MCC: variants seen among roughly 807,000 people sequenced by gnomAD.
MCC encodes MCC regulator of Wnt signaling pathway, also known as colorectal mutant cancer protein.
A neutral mutation model predicts 116.2 loss-of-function variants in MCC; 90 were observed. The observed-to-expected ratio is 0.77, with a 90% CI of 0.65 to 0.92. MCC has a LOEUF of 0.92. Ranked by LOEUF, MCC falls within the 40% of genes least tolerant of loss-of-function variation. The pLI is 0.00. For missense variants in MCC, 1,516 were observed against 1,312.2 expected, an observed-to-expected ratio of 1.16 and a Z score of -2.40; for synonymous variants, 578 against 510.5, an observed-to-expected ratio of 1.13 and a Z score of -1.78.
At chr5:113,127,222 G>A (rs1324874691) in intron 5 of MCC, among the ~76,000 whole-genome samples, 24 of 152,150 alleles carry the variant, frequency 1.6e-4, no homozygotes, top group Admixed American at 1.6e-3. Flanking sequence ...TGGTATATAC[G>A]TACCACATTT....
intron 3 of MCC, among the ~76,000 whole-genome samples, chr5:113,159,873 A>G (rs1198083222): frequency 3.3e-5 from 5 of 152,232 alleles, no homozygotes; most frequent in Admixed American, 6.5e-5. Context: ...AAACTCATTA[A>G]ATATAATCTA....
At chr5:113,038,705 C>G (rs1751483998) in intron 17 of MCC, among the ~76,000 whole-genome samples, 1 of 151,922 alleles carries the variant, frequency 6.6e-6, no homozygotes, top group African/African-American at 2.4e-5. Flanking sequence ...ATCACACTGA[C>G]CAGACAAGGC....
At chr5:113,316,734 C>T (rs1345941241) in intron 3 of MCC, among the ~76,000 whole-genome samples, 1 of 152,136 alleles carries the variant, frequency 6.6e-6, no homozygotes, top group Non-Finnish European at 1.5e-5. Flanking sequence ...AGCTTTGTAT[C>T]AAAGAGGGTA....
At chr5:113,049,357 C>T in intron 15 of MCC, 58 bp from the exon 16 acceptor site, 5 of 1,438,414 alleles carry the variant, frequency 3.5e-6, no homozygotes, top group Non-Finnish European at 3.7e-6. Context: ...GCAGGCCTGG[C>T]TGCTGCCAAG....
intron 2 of MCC, among the ~76,000 whole-genome samples, chr5:113,342,308 C>A (rs6898400): frequency 0.3 from 45,764 of 152,080 alleles, 7,514 homozygotes; most frequent in Admixed American, 0.41. Flanking sequence ...CATGTATGTG[C>A]AAGTATCTTT....
intron 17 of MCC, among the ~76,000 whole-genome samples, chr5:113,034,714 G>T (rs994392607): frequency 6.6e-6 from 1 of 152,162 alleles, no homozygotes; most frequent in Non-Finnish European, 1.5e-5. Context: ...CTTTTAACCC[G>T]TCAGGCTCTG....
intron 1 of MCC, among the ~76,000 whole-genome samples, chr5:113,424,392 AT>A (rs1335249322): frequency 6.6e-6 from 1 of 152,162 alleles, no homozygotes; most frequent in African/African-American, 2.4e-5. Flanking sequence ...CAATGACATA[AT>A]TTTCACAGAA....
At position 113,488,447 on chromosome 5, in the gene MCC, C is replaced by G; in HGVS notation, c.-33G>C. Reference sequence around the variant, plus strand: ...CTCCCTACTTGGGAGGAGGAGTACGCGCGACCGCAGCTGGAATCCGCGCGG... The same window carrying G: ...CTCCCTACTTGGGAGGAGGAGTACGGGCGACCGCAGCTGGAATCCGCGCGG... On this transcript the variant is annotated 5_prime_UTR_variant, in exon 1 of 19. Coordinates refer to ENST00000408903, the MANE Select transcript of MCC (RefSeq NM_001085377.2). 1.4e-6 allele frequency: 2 copies of G among 1,390,536 alleles called. No individual in the cohort carries two copies. Among genetic ancestry groups the G allele is most frequent in the South Asian group, 1.9e-5 (1 of 52,050 alleles). The allele number at this position is 1,390,536 out of a possible 1,614,324, so 86.1% of individuals were successfully genotyped here.
At chr5:113,215,291 G>A (rs1763271383) in intron 3 of MCC, among the ~76,000 whole-genome samples, 2 of 152,174 alleles carry the variant, frequency 1.3e-5, no homozygotes, top group Admixed American at 1.3e-4. Flanking sequence ...GGTGGGGGGA[G>A]GAAAGGGAGA....
At chr5:113,087,123 C>A (rs112685257) in intron 8 of MCC, among the ~76,000 whole-genome samples, 2 of 152,186 alleles carry the variant, frequency 1.3e-5, no homozygotes, top group Non-Finnish European at 2.9e-5. Flanking sequence ...AGGCACATGG[C>A]CCCTTCTCTA....
chr5:113,446,677 C>T (rs1771227908), intron 1 of MCC, among the ~76,000 whole-genome samples: 1 of 152,062 alleles, frequency 6.6e-6, no homozygotes. Flanking sequence ...TTGGAGACTT[C>T]CCAAAGAACT....
chr5:113,353,146 C>T (rs998588952), intron 2 of MCC, among the ~76,000 whole-genome samples: 1 of 152,162 alleles, frequency 6.6e-6, no homozygotes, highest in Non-Finnish European at 1.5e-5. Flanking sequence ...AGGCAGAGGC[C>T]TTTCACGTGC....
intron 3 of MCC, chr5:113,204,625 A>C (rs1182131102): frequency 6.6e-6 from 1 of 152,230 alleles, no homozygotes; most frequent in African/African-American, 2.4e-5. Context: ...GAGAGCGAGC[A>C]GGCCCTGAGC....
At chr5:113,306,249 T>C (rs1280809834) in intron 3 of MCC, among the ~76,000 whole-genome samples, 2 of 152,250 alleles carry the variant, frequency 1.3e-5, no homozygotes, top group South Asian at 2.1e-4. Context: ...ACATATGTTT[T>C]CAATTCTCTC....
At chr5:113,457,387 C>T (rs1226670803) in intron 1 of MCC, among the ~76,000 whole-genome samples, 1 of 152,378 alleles carries the variant, frequency 6.6e-6, no homozygotes, top group Middle Eastern at 3.4e-3. Context: ...TCCCGCGGAG[C>T]AGGCCTCGGG....
At chr5:113,351,239 T>G (rs376478760) in intron 2 of MCC, among the ~76,000 whole-genome samples, 1 of 152,168 alleles carries the variant, frequency 6.6e-6, no homozygotes, top group African/African-American at 2.4e-5. Flanking sequence ...TACACTCCCA[T>G]GTTCATTGCA....
At chr5:113,072,279 T>C (rs1276614226) in intron 11 of MCC, among the ~76,000 whole-genome samples, 1 of 152,326 alleles carries the variant, frequency 6.6e-6, no homozygotes, top group Non-Finnish European at 1.5e-5. Context: ...CTTGCCAACA[T>C]GGGAGACATC....
intron 3 of MCC, among the ~76,000 whole-genome samples, chr5:113,320,398 A>C (rs1182750574): frequency 6.6e-6 from 1 of 151,282 alleles, no homozygotes; most frequent in Non-Finnish European, 1.5e-5. Flanking sequence ...CAGATTTTCA[A>C]ATGGTGATAA....
At chr5:113,244,800 A>G (rs1764508347) in intron 3 of MCC, among the ~76,000 whole-genome samples, 1 of 152,256 alleles carries the variant, frequency 6.6e-6, no homozygotes, top group Non-Finnish European at 1.5e-5. Flanking sequence ...CTTTACTACT[A>G]TCCTCCAAGC....
Sources: gnomAD v4.1 joint callset for allele counts (sites outside exome capture counted in the v4.1 genomes callset) on GRCh38, gnomAD v4.1.1 for gene constraint, MANE v1.5 for transcripts, NCBI Gene and HGNC (gene_info 2026-07-23, HGNC 2026-07-21) for gene names.